The following NRXN3 variants were observed in gnomAD, a reference collection of about 807,000 sequenced individuals.
The protein encoded by NRXN3 is neurexin III.
A neutral mutation model predicts 137.6 loss-of-function variants in NRXN3; 32 were observed. That is an observed-to-expected ratio of 0.23 (90% confidence interval 0.18 to 0.31). The LOEUF (loss-of-function observed/expected upper bound fraction) is 0.31, where lower values mean the gene tolerates loss of function less well. Among genes scored for constraint, NRXN3 ranks in the 10% least tolerant of loss-of-function variants. NRXN3 has a pLI of 1.00. For synonymous variants in NRXN3, 798 were observed against 784.5 expected (o/e 1.02, Z -0.29); for missense variants, 1,574 against 2,062.5 (o/e 0.76, Z 4.59).
chr14:79,529,954 AT>A (rs1467205074), intron 16 of NRXN3, among the ~76,000 whole-genome samples: 1 of 152,238 alleles, frequency 6.6e-6, no homozygotes, highest in Non-Finnish European at 1.5e-5. Context: ...TTGGTTTTGA[AT>A]TACTTATATT....
At chr14:78,278,552 A>ATTGTAT (rs1470056559) in intron 2 of NRXN3, 93 bp from the exon 3 acceptor site, 1 of 937,258 alleles carries the variant, frequency 1.1e-6, no homozygotes, top group African/African-American at 1.6e-5. Flanking sequence ...AGCACATTGC[A>ATTGTAT]TTGTGTGTGT....
intron 20 of NRXN3, chr14:79,853,670 A>G (rs778274736): frequency 7.7e-7 from 1 of 1,301,726 alleles, no homozygotes; most frequent in Non-Finnish European, 1.0e-6. Flanking sequence ...CCCTTCCTGC[A>G]TCTTTCCTTC....
intron 2 of NRXN3, among the ~76,000 whole-genome samples, chr14:78,245,750 T>C (rs1567066549): frequency 6.6e-6 from 1 of 152,188 alleles, no homozygotes; most frequent in Non-Finnish European, 1.5e-5. Context: ...ACTCCTTTCT[T>C]CTAATGGGTT....
intron 6 of NRXN3, among the ~76,000 whole-genome samples, chr14:78,665,110 A>C (rs2152693571): frequency 6.6e-6 from 1 of 152,324 alleles, no homozygotes; most frequent in South Asian, 2.1e-4. Context: ...CGGTTGAAGG[A>C]GACTAAGAAT....
chr14:78,722,797 T>A (rs1184291190), intron 8 of NRXN3, among the ~76,000 whole-genome samples: 1 of 152,186 alleles, frequency 6.6e-6, no homozygotes, highest in Non-Finnish European at 1.5e-5. Flanking sequence ...GTGGTTCTCA[T>A]AAATGTGCTA....
In NRXN3 at chr14:79,864,184, T is replaced by C. The variant is rs1354980471; in HGVS notation, c.*2220T>C. The C allele has an allele frequency of 6.6e-6, 1 of 152,646 alleles. No individual in the cohort carries two copies. Among genetic ancestry groups the C allele is most frequent in the Non-Finnish European group, 1.5e-5 (1 of 68,034 alleles). 9.5% of individuals were successfully genotyped at this position (152,646 alleles called of 1,614,324 possible). On this transcript the variant is annotated 3_prime_UTR_variant, in exon 21 of 21. Transcript: ENST00000335750. ...CCTGCTTTCTTTCATTTTTTTCAAT[T>C]TAAGTAATAATACATTTGTTATATT...
At chr14:78,272,200 C>A (rs1596598392) in intron 2 of NRXN3, among the ~76,000 whole-genome samples, 1 of 152,150 alleles carries the variant, frequency 6.6e-6, no homozygotes, top group Non-Finnish European at 1.5e-5. Context: ...GCCAGCCTCC[C>A]TTCTCTCTTT....
At chr14:78,175,828 CTCCTGGCTGCTT>C (rs755171638) in intron 1 of NRXN3, among the ~76,000 whole-genome samples, 6 of 152,226 alleles carry the variant, frequency 3.9e-5, no homozygotes, top group Non-Finnish European at 7.3e-5. Flanking sequence ...TTACCCCAAC[CTCCTGGCTGCTT>C]TCCAGCCCAT....
chr14:78,719,248 C>T (rs2098448171), intron 8 of NRXN3, among the ~76,000 whole-genome samples: 1 of 152,184 alleles, frequency 6.6e-6, no homozygotes, highest in South Asian at 2.1e-4. Context: ...GAAAAATAAC[C>T]TACAGTACAA....
intron 19 of NRXN3, among the ~76,000 whole-genome samples, chr14:79,794,838 G>A (rs1275127749): frequency 6.6e-6 from 1 of 152,164 alleles, no homozygotes; most frequent in Non-Finnish European, 1.5e-5. Flanking sequence ...GGGGCATCAG[G>A]AACACTATAT....
intron 15 of NRXN3, among the ~76,000 whole-genome samples, chr14:79,296,327 G>A (rs895348682): frequency 2.8e-4 from 42 of 152,014 alleles, no homozygotes; most frequent in African/African-American, 9.7e-4. Context: ...GGATTTAGAG[G>A]GGAAGATGTC....
intron 4 of NRXN3, among the ~76,000 whole-genome samples, chr14:78,477,767 A>C (rs992406230): frequency 1.3e-5 from 2 of 152,242 alleles, no homozygotes; most frequent in African/African-American, 4.8e-5. Flanking sequence ...TAAAAGCAGA[A>C]AGTTGCAGGC....
intron 19 of NRXN3, among the ~76,000 whole-genome samples, chr14:79,784,232 A>G (rs946111785): frequency 1.3e-5 from 2 of 152,242 alleles, no homozygotes; most frequent in Non-Finnish European, 2.9e-5. Flanking sequence ...CCCTGACTTC[A>G]GTTCTAGGCC....
chr14:78,713,979 A>G (rs2098420623), intron 7 of NRXN3, among the ~76,000 whole-genome samples: 1 of 152,228 alleles, frequency 6.6e-6, no homozygotes, highest in Admixed American at 6.5e-5. Context: ...GTTCTGGAAC[A>G]TCTGCTCAAT....
rs1470845374 is a variant in NRXN3, at chr14:79,761,707, AAAT to A, written c.4015-43403_4015-43401del. Among the ~76,000 whole-genome samples, 51 of 143,638 alleles carry A rather than the reference AAAT, an allele frequency of 3.6e-4. 4 individuals carry two copies. The highest frequency in any genetic ancestry group is 1.2e-3 in the African/African-American group (45 of 38,632). The allele number at this position is 143,638 out of a possible 152,430, so 94.2% of individuals were successfully genotyped here. A position where few individuals can be genotyped will look rare whatever the true frequency, so the allele number is the denominator to read the frequency against. ...CTCAAAAAAAAAAAAAAAAAAAAAA[AAAT>A]AGATCTCACTAGAAGTATTCTCAAT... On this transcript the variant is annotated intron_variant, in intron 19 of 20. Coordinates refer to ENST00000335750, the MANE Select transcript of NRXN3 (RefSeq NM_001330195.2).
chr14:78,212,417 C>T (rs924853126), intron 1 of NRXN3, among the ~76,000 whole-genome samples: 2 of 152,110 alleles, frequency 1.3e-5, no homozygotes, highest in African/African-American at 2.4e-5. Context: ...TGATTCAAAC[C>T]CAGTCTGTAG....
At chr14:79,428,449 T>G (rs2095691640) in intron 15 of NRXN3, among the ~76,000 whole-genome samples, 1 of 152,172 alleles carries the variant, frequency 6.6e-6, no homozygotes, top group Non-Finnish European at 1.5e-5. Context: ...ACACAAATTA[T>G]GTAGGTTGTA....
chr14:79,477,407 G>A lies in NRXN3; in HGVS notation c.3444+10005G>A, dbSNP rs556244800. On this transcript the variant is annotated intron_variant, in intron 16 of 20. Transcript: ENST00000335750. ...CTCGGATGAATTATTTGACTACTCCGTAAAATGCAGATGGCAATAATGCCA... is the reference window on the plus strand; with the variant it reads ...CTCGGATGAATTATTTGACTACTCCATAAAATGCAGATGGCAATAATGCCA... 4.6e-5 allele frequency among the ~76,000 whole-genome samples: 7 copies of A among 152,228 alleles called. No homozygotes were observed. In the East Asian group the frequency reaches 1.2e-3, roughly 25 times the overall value.
At chr14:79,445,766 G>C (rs1032439310) in intron 15 of NRXN3, among the ~76,000 whole-genome samples, 11 of 152,158 alleles carry the variant, frequency 7.2e-5, no homozygotes, top group Non-Finnish European at 1.5e-4. Flanking sequence ...AGTGCAGTGA[G>C]CAAAAGGAAG....
Sources: allele counts gnomAD v4.1 joint callset (sites outside exome capture counted in the v4.1 genomes callset), GRCh38; gene constraint gnomAD v4.1.1; transcripts MANE v1.5; gene names NCBI Gene and HGNC (gene_info 2026-07-23, HGNC 2026-07-21).